The following CDH23 variants were observed in gnomAD, a reference collection of about 807,000 sequenced individuals.
The protein encoded by CDH23 is cadherin related 23.
Under a neutral mutation model 317.1 loss-of-function variants are expected in CDH23, and 189 were observed. That is an observed-to-expected ratio of 0.60 (90% CI 0.53 to 0.67). The LOEUF (loss-of-function observed/expected upper bound fraction) is 0.67, where lower values mean the gene tolerates loss of function less well. CDH23 is among the 30% of genes least tolerant of loss of function. The pLI is 0.00. For synonymous variants in CDH23, 1,839 were observed against 1,876.8 expected, an observed-to-expected ratio of 0.98 and a Z score of 0.52; for missense variants, 4,401 against 4,592.4, an observed-to-expected ratio of 0.96 and a Z score of 1.20.
At chr10:71,617,086 A>T in intron 10 of CDH23, 119 bp from the exon 11 acceptor site, 1 of 1,355,308 alleles carries the variant, frequency 7.4e-7, no homozygotes, top group Non-Finnish European at 1.0e-6. Flanking sequence ...TGTGGTGAGG[A>T]TTAGATGGGA....
chr10:71,460,025 G>A (rs1411961592), intron 3 of CDH23, among the ~76,000 whole-genome samples: 3 of 152,176 alleles, frequency 2.0e-5, no homozygotes, highest in African/African-American at 4.8e-5. Flanking sequence ...TCCTCACAAC[G>A]CCCCATGAAG....
At chr10:71,808,728 T>G (rs923938258) in intron 60 of CDH23, among the ~76,000 whole-genome samples, 2 of 152,118 alleles carry the variant, frequency 1.3e-5, no homozygotes, top group Non-Finnish European at 2.9e-5. Flanking sequence ...CAAGGCTCAC[T>G]AGATCTTCCT....
chr10:71,429,622 G>T (rs1027603277), intron 1 of CDH23, among the ~76,000 whole-genome samples: 3 of 152,138 alleles, frequency 2.0e-5, no homozygotes, highest in Non-Finnish European at 4.4e-5. Flanking sequence ...GGGACAGGGG[G>T]GAAAGTCGTA....
At chr10:71,532,907 T>G (rs1393624229) in intron 6 of CDH23, among the ~76,000 whole-genome samples, 1 of 151,970 alleles carries the variant, frequency 6.6e-6, no homozygotes, top group Non-Finnish European at 1.5e-5. Flanking sequence ...TTTTTTGTAT[T>G]TTTTAATAGA....
At chr10:71,726,666 T>C (rs986049862) in intron 30 of CDH23, among the ~76,000 whole-genome samples, 2 of 152,226 alleles carry the variant, frequency 1.3e-5, no homozygotes, top group African/African-American at 4.8e-5. Context: ...CTGGCTTGCA[T>C]GACTGTGAAT....
intron 11 of CDH23, among the ~76,000 whole-genome samples, chr10:71,641,746 C>A (rs1310663001): frequency 1.3e-5 from 2 of 152,126 alleles, no homozygotes; most frequent in African/African-American, 4.8e-5. Flanking sequence ...ACTTCCTCCA[C>A]CCGAAATCCC....
At chr10:71,555,836 C>T (rs1228193964) in intron 6 of CDH23, among the ~76,000 whole-genome samples, 1 of 152,152 alleles carries the variant, frequency 6.6e-6, no homozygotes, top group Non-Finnish European at 1.5e-5. Flanking sequence ...AGATGTCCCT[C>T]TGATGAGACT....
At chr10:71,774,550 G>C (rs1840773694) in intron 38 of CDH23, among the ~76,000 whole-genome samples, 1 of 152,188 alleles carries the variant, frequency 6.6e-6, no homozygotes, top group South Asian at 2.1e-4. Context: ...ACCTCTCTCT[G>C]ATGTTTCTGA....
intron 9 of CDH23, among the ~76,000 whole-genome samples, chr10:71,604,960 ATTG>A (rs1456504382): frequency 1.3e-5 from 2 of 152,202 alleles, no homozygotes; most frequent in African/African-American, 4.8e-5. Flanking sequence ...AATCTGGTGA[ATTG>A]TTGTTAGTAA....
At chr10:71,799,441 G>A in intron 51 of CDH23, 51 bp from the exon 52 acceptor site, 1 of 1,613,020 alleles carries the variant, frequency 6.2e-7, no homozygotes, top group South Asian at 1.1e-5. Context: ...CTGTGCTCGG[G>A]CTCTGGGACT....
rs1157622013 is a variant in CDH23, at chr10:71,403,420, C to CT, written c.-6+6102_-6+6103insT. On this transcript the variant is annotated intron_variant, in intron 1 of 69. Coordinates refer to ENST00000224721, the MANE Select transcript of CDH23 (RefSeq NM_022124.6). Reference sequence around the variant, plus strand: ...CTTTCTTTCTTTCTCTTCCTTCCTTCCTTCCTTCCTTCCTTCCTTCCTTCC... The same window carrying CT: ...CTTTCTTTCTTTCTCTTCCTTCCTTCTCTTCCTTCCTTCCTTCCTTCCTTCC... Among the ~76,000 whole-genome samples the CT allele has an allele frequency of 2.2e-4, 13 of 60,288 alleles. 2 individuals carry two copies. Among genetic ancestry groups the CT allele is most frequent in the African/African-American group, 1.2e-3 (9 of 7,682 alleles). 39.6% of individuals were successfully genotyped at this position (60,288 alleles called of 152,430 possible). A position where few individuals can be genotyped will look rare whatever the true frequency, so the allele number is the denominator to read the frequency against.
At chr10:71,455,518 T>A (rs1302645559) in intron 3 of CDH23, among the ~76,000 whole-genome samples, 3 of 152,212 alleles carry the variant, frequency 2.0e-5, no homozygotes, top group African/African-American at 4.8e-5. Flanking sequence ...GTTCAACAAA[T>A]GTTTCCTTGA....
At chr10:71,554,931 G>A (rs1856796674) in intron 6 of CDH23, among the ~76,000 whole-genome samples, 1 of 152,180 alleles carries the variant, frequency 6.6e-6, no homozygotes, top group African/African-American at 2.4e-5. Flanking sequence ...CAGCTGGACT[G>A]TGACCCAGAG....
intron 34 of CDH23, among the ~76,000 whole-genome samples, chr10:71,735,970 T>C (rs1442743988): frequency 6.6e-6 from 1 of 152,262 alleles, no homozygotes; most frequent in Non-Finnish European, 1.5e-5. Flanking sequence ...ACCCTCTTAC[T>C]GAGCCTCACC....
chr10:71,563,563 A>G (rs532563359), intron 6 of CDH23, among the ~76,000 whole-genome samples: 69 of 152,080 alleles, frequency 4.5e-4, no homozygotes, highest in African/African-American at 1.6e-3. Context: ...TGTTTACACT[A>G]TTTCTAATAC....
At chr10:71,731,062 G>C (rs570376432) in intron 31 of CDH23, among the ~76,000 whole-genome samples, 1 of 152,232 alleles carries the variant, frequency 6.6e-6, no homozygotes, top group East Asian at 1.9e-4. Context: ...TTCCTGTGCC[G>C]CAGGGCAGTA....
At position 71,806,010 on chromosome 10, in the gene CDH23, CCCGGTGCGAGGGGCGGGGT is replaced by C; in HGVS notation, c.8064+15_8064+33del. ...GGCGGTGTACAGCGTAAGGGCGGGG[CCCGGTGCGAGGGGCGGGGT>C]CTGGGGCGGGGCTTTCTTCTGGGGG... On this transcript the variant is annotated intron_variant, in intron 56 of 69. Coordinates refer to ENST00000224721, the MANE Select transcript of CDH23 (RefSeq NM_022124.6). The C allele has an allele frequency of 6.3e-7, 1 of 1,599,438 alleles. No individual in the cohort carries two copies. Among genetic ancestry groups the C allele is most frequent in the Non-Finnish European group, 8.5e-7 (1 of 1,174,522 alleles).
intron 3 of CDH23, among the ~76,000 whole-genome samples, chr10:71,461,862 G>A (rs60017539): frequency 0.012 from 1,790 of 152,244 alleles, 83 homozygotes; most frequent in East Asian, 0.12. Flanking sequence ...GGCAGTGCCC[G>A]GCTTCTTGGA....
intron 41 of CDH23, among the ~76,000 whole-genome samples, chr10:71,780,048 G>A (rs916696057): frequency 2.6e-5 from 4 of 152,230 alleles, no homozygotes; most frequent in African/African-American, 7.2e-5. Context: ...TGGGGACTGC[G>A]CAGCCACAAC....
Sources: allele counts gnomAD v4.1 joint callset (sites outside exome capture counted in the v4.1 genomes callset), GRCh38; gene constraint gnomAD v4.1.1; transcripts MANE v1.5; gene names NCBI Gene and HGNC (gene_info 2026-07-23, HGNC 2026-07-21).